Variants in RANBP2 observed in about 807,000 individuals in gnomAD.
RANBP2 encodes RAN binding protein 2, also known as E3 SUMO-protein ligase RanBP2.
In RANBP2, 57 loss-of-function variants were observed where a neutral mutation model predicts 303.6. The observed-to-expected ratio is 0.19, with a 90% CI of 0.15 to 0.23. The LOEUF (loss-of-function observed/expected upper bound fraction) is 0.23. Among genes scored for constraint, RANBP2 ranks in the 10% least tolerant of loss-of-function variants. The pLI, the probability that RANBP2 is intolerant of heterozygous loss-of-function variation, is 1.00. For synonymous variants in RANBP2, 1,167 were observed against 1,301.5 expected (o/e 0.90, Z 2.23); for missense variants, 3,138 against 3,780.8 (o/e 0.83, Z 4.46).
the RANBP2 span, among the ~76,000 whole-genome samples, chr2:109,451,217 C>A: frequency 0.013 from 2,030 of 152,374 alleles, 48 homozygotes; most frequent in African/African-American, 0.047. Flanking sequence ...AGGGCAACAG[C>A]TGCTCTGTGT....
chr2:109,190,330 C>T, the RANBP2 span, among the ~76,000 whole-genome samples: 1,975 of 152,326 alleles, frequency 0.013, 17 homozygotes, highest in Middle Eastern at 0.02. Context: ...TCTGCCACCA[C>T]GCCTGGCTAA....
At chr2:109,381,533 G>A in the RANBP2 span, among the ~76,000 whole-genome samples, 5 of 151,956 alleles carry the variant, frequency 3.3e-5, no homozygotes, top group Admixed American at 1.3e-4. Context: ...TGGCCATCAC[G>A]GTGCCCTGAC....
chr2:108,764,133 C>T lies in RANBP2; in HGVS notation c.3594C>T (p.Arg1198=), dbSNP rs746067787. 3.8e-5 allele frequency: 62 copies of T among 1,613,840 alleles called. No homozygotes were observed. The highest frequency in any genetic ancestry group is 1.6e-4 in the Middle Eastern group (1 of 6,084). ...EEDEEEFFCN[R]AKLFRFDVES... Reference sequence around the variant, plus strand: ...ATGAAGAAGAATTCTTTTGCAACCGCGCGAAATTGTTTCGTTTCGATGTAG... The same window carrying T: ...ATGAAGAAGAATTCTTTTGCAACCGTGCGAAATTGTTTCGTTTCGATGTAG... Residue 1198 remains arginine, a synonymous_variant, in exon 20 of 29, where the codon CGC becomes CGT. Coordinates refer to ENST00000283195, the MANE Select transcript of RANBP2 (RefSeq NM_006267.5).
the RANBP2 span, chr2:109,565,734 T>A: frequency 6.4e-7 from 1 of 1,556,800 alleles, no homozygotes; most frequent in African/African-American, 1.4e-5. Flanking sequence ...GATAGATACA[T>A]ATTTCTAGTC....
chr2:109,338,322 C>T, the RANBP2 span, among the ~76,000 whole-genome samples: 1 of 152,132 alleles, frequency 6.6e-6, no homozygotes, highest in Non-Finnish European at 1.5e-5. Flanking sequence ...CAGAATTGAG[C>T]TCTTCTGCAA....
chr2:109,453,088 G>A, the RANBP2 span, among the ~76,000 whole-genome samples: 11 of 152,204 alleles, frequency 7.2e-5, no homozygotes, highest in East Asian at 1.9e-4. Flanking sequence ...TGCGTGGCCC[G>A]ATGTGGTGTG....
At chr2:109,565,640 C>T in the RANBP2 span, 1 of 851,200 alleles carries the variant, frequency 1.2e-6, no homozygotes, top group Non-Finnish European at 1.9e-6. Flanking sequence ...TAAAATAGTA[C>T]ACAGCCAATT....
At chr2:109,279,210 G>A in the RANBP2 span, among the ~76,000 whole-genome samples, 6 of 152,306 alleles carry the variant, frequency 3.9e-5, no homozygotes, top group Admixed American at 6.5e-5. Flanking sequence ...GACATGAAGC[G>A]TGCTATTAGC....
the RANBP2 span, among the ~76,000 whole-genome samples, chr2:109,249,532 T>TCC: frequency 6.2e-5 from 6 of 96,488 alleles, no homozygotes; most frequent in African/African-American, 2.8e-4. Context: ...TCTTTCTTTC[T>TCC]TTCCTTCCTT....
chr2:109,182,984 C>T, the RANBP2 span, among the ~76,000 whole-genome samples: 1 of 152,106 alleles, frequency 6.6e-6, no homozygotes, highest in Non-Finnish European at 1.5e-5. Context: ...TTTGGGTCTC[C>T]TAACAGGTTT....
At chr2:109,435,691 T>C in the RANBP2 span, among the ~76,000 whole-genome samples, 1 of 152,274 alleles carries the variant, frequency 6.6e-6, no homozygotes, top group African/African-American at 2.4e-5. Flanking sequence ...CAGATGTGTG[T>C]CTGTATCTGT....
chr2:109,326,907 C>A, the RANBP2 span, among the ~76,000 whole-genome samples: 1 of 152,224 alleles, frequency 6.6e-6, no homozygotes, highest in African/African-American at 2.4e-5. Flanking sequence ...CACACCTGAG[C>A]ACGCTGGCTC....
At chr2:108,852,516 GAT>G in the RANBP2 span, among the ~76,000 whole-genome samples, 3 of 152,122 alleles carry the variant, frequency 2.0e-5, no homozygotes, top group Non-Finnish European at 4.4e-5. Flanking sequence ...GCCCATCGAA[GAT>G]AACCTGGATA....
At chr2:109,205,393 G>C in the RANBP2 span, among the ~76,000 whole-genome samples, 4 of 151,826 alleles carry the variant, frequency 2.6e-5, no homozygotes, top group African/African-American at 9.7e-5. Flanking sequence ...GCATCACCAT[G>C]CCTAGATAAT....
the RANBP2 span, among the ~76,000 whole-genome samples, chr2:109,081,711 T>C: frequency 2.0e-5 from 3 of 152,326 alleles, no homozygotes; most frequent in African/African-American, 7.2e-5. Context: ...TTCCCTGCTC[T>C]GGCACTTGAG....
the RANBP2 span, among the ~76,000 whole-genome samples, chr2:109,491,870 G>A: frequency 1.2e-3 from 186 of 152,322 alleles, no homozygotes; most frequent in African/African-American, 4.4e-3. Flanking sequence ...CCTGCAACCC[G>A]GGAAGGCAGC....
the RANBP2 span, among the ~76,000 whole-genome samples, chr2:109,327,274 G>T: frequency 3.9e-5 from 6 of 152,100 alleles, no homozygotes; most frequent in South Asian, 1.2e-3. Context: ...AACCTAACTT[G>T]CCAACACCAT....
chr2:109,600,689 G>C, the RANBP2 span, among the ~76,000 whole-genome samples: 2 of 152,052 alleles, frequency 1.3e-5, no homozygotes, highest in African/African-American at 4.8e-5. Context: ...ATTTAATTCT[G>C]ACTTCTCTAC....
the RANBP2 span, among the ~76,000 whole-genome samples, chr2:109,734,008 G>A: frequency 1.3e-5 from 2 of 151,894 alleles, no homozygotes; most frequent in Non-Finnish European, 2.9e-5. Context: ...GCGAAAACCC[G>A]TCTCTACAAA....
Sources: allele counts gnomAD v4.1 joint callset (sites outside exome capture counted in the v4.1 genomes callset), GRCh38; gene constraint gnomAD v4.1.1; transcripts MANE v1.5; gene names NCBI Gene and HGNC (gene_info 2026-07-23, HGNC 2026-07-21).